The following ASH1L variants were observed in gnomAD, a reference collection of about 807,000 sequenced individuals.
The protein encoded by ASH1L is ASH1 like histone lysine methyltransferase.
ASH1L carries 23 observed loss-of-function variants against 269.0 expected under a neutral mutation model. The observed-to-expected ratio is 0.09, with a 90% CI of 0.06 to 0.12. ASH1L has a LOEUF of 0.12. Among genes scored for constraint, ASH1L ranks in the 10% least tolerant of loss-of-function variants. ASH1L has a pLI of 1.00. For synonymous variants in ASH1L, 1,187 were observed against 1,253.5 expected (o/e 0.95, Z 1.12); for missense variants, 2,912 against 3,567.8 (o/e 0.82, Z 4.68).
intron 1 of ASH1L, among the ~76,000 whole-genome samples, chr1:155,542,220 T>C (rs1458617871): frequency 6.6e-6 from 1 of 152,124 alleles, no homozygotes; most frequent in Non-Finnish European, 1.5e-5. Flanking sequence ...GGAAGAAAGT[T>C]CAAGTTGTAT....
At chr1:155,404,831 C>T (rs1183711454) in intron 6 of ASH1L, among the ~76,000 whole-genome samples, 2 of 151,640 alleles carry the variant, frequency 1.3e-5, no homozygotes, top group African/African-American at 4.8e-5. Flanking sequence ...AGATCGAGAC[C>T]GTCCTGGCCA....
At chr1:155,363,917 G>A (rs1307630904) in intron 12 of ASH1L, among the ~76,000 whole-genome samples, 2 of 151,924 alleles carry the variant, frequency 1.3e-5, no homozygotes, top group Non-Finnish European at 2.9e-5. Context: ...AAGTTGTGGT[G>A]AGCCAAAATG....
intron 1 of ASH1L, among the ~76,000 whole-genome samples, chr1:155,522,522 G>C (rs1668959317): frequency 6.6e-6 from 1 of 152,070 alleles, no homozygotes; most frequent in South Asian, 2.1e-4. Context: ...GTAGGCATGT[G>C]TCAATTCCCC....
chr1:155,439,992 A>G (rs748599935), intron 4 of ASH1L, among the ~76,000 whole-genome samples: 6 of 151,722 alleles, frequency 4.0e-5, no homozygotes, highest in Non-Finnish European at 5.9e-5. Flanking sequence ...TCTGGCCTAT[A>G]GACCCTTGTC....
intron 5 of ASH1L, among the ~76,000 whole-genome samples, chr1:155,427,546 C>CG (rs1558092660): frequency 1.3e-5 from 2 of 152,090 alleles, no homozygotes. Flanking sequence ...TCAGGTGATC[C>CG]GCCCACCTCG....
In ASH1L at chr1:155,407,125, G is replaced by A. The variant is rs542317754; in HGVS notation, c.6008+8619C>T. On this transcript the variant is annotated intron_variant, in intron 6 of 27. Transcript: ENST00000392403. The stretch of plus-strand genomic sequence containing the variant: ...GTGGTCCCAGCTACTCGGGAGGTTC[G>A]GGCAGGAGAATTGCTTGAACCCGGG... Among the ~76,000 whole-genome samples, 7 of 152,058 alleles carry A rather than the reference G, an allele frequency of 4.6e-5. 1 individual carries two copies. The highest frequency in any genetic ancestry group is 1.9e-4 in the East Asian group (1 of 5,166).
chr1:155,486,394 C>A (rs1666328675), intron 2 of ASH1L, among the ~76,000 whole-genome samples: 1 of 150,738 alleles, frequency 6.6e-6, no homozygotes, highest in African/African-American at 2.4e-5. Context: ...TAAAGAATCC[C>A]GGGGAGGTGG....
chr1:155,480,720 G>C lies in ASH1L; in HGVS notation c.2150C>G (p.Pro717Arg). The C allele has an allele frequency of 6.2e-7, 1 of 1,613,556 alleles. No individual in the cohort carries two copies. The highest frequency in any genetic ancestry group is 8.5e-7 in the Non-Finnish European group (1 of 1,179,932). ...TCTTGCCACCACTTTAGTCCACCGA[G>C]GTTTTCTTCCTTTTCTTTTTTTTAA... ...KPLKKRKGRK[P>R]RWTKVVARST... is the part of the protein sequence containing the mutation. Residue 717 changes from proline to arginine, a missense_variant, in exon 3 of 28, where the codon CCT becomes CGT. Transcript: ENST00000392403.
chr1:155,516,015 CTT>C (rs1460735661), intron 2 of ASH1L, among the ~76,000 whole-genome samples: 1 of 151,982 alleles, frequency 6.6e-6, no homozygotes, highest in Non-Finnish European at 1.5e-5. Flanking sequence ...ATCCTTTCCT[CTT>C]GTTTCTTACA....
At chr1:155,477,782 C>CA (rs969343075) in intron 3 of ASH1L, 104 bp downstream of exon 3, 3 of 1,124,852 alleles carry the variant, frequency 2.7e-6, no homozygotes, top group East Asian at 2.7e-5. Context: ...TATTAAAAAA[C>CA]AAAAAAAGAT....
chr1:155,376,300 A>G (rs1656436229), intron 10 of ASH1L, among the ~76,000 whole-genome samples: 1 of 152,234 alleles, frequency 6.6e-6, no homozygotes, highest in Non-Finnish European at 1.5e-5. Flanking sequence ...GGAAGAACTA[A>G]AACATTGATT....
intron 1 of ASH1L, among the ~76,000 whole-genome samples, chr1:155,532,625 C>A (rs1669745030): frequency 6.6e-6 from 1 of 151,820 alleles, no homozygotes; most frequent in African/African-American, 2.4e-5. Flanking sequence ...GAGTTCAAGA[C>A]CAGCCTGGCC....
chr1:155,539,457 A>T (rs971328719), intron 1 of ASH1L, among the ~76,000 whole-genome samples: 11 of 144,952 alleles, frequency 7.6e-5, no homozygotes, highest in East Asian at 2.1e-4. Flanking sequence ...ATATATATAT[A>T]TTTTGTTCTT....
intron 5 of ASH1L, among the ~76,000 whole-genome samples, chr1:155,421,036 A>G (rs972734370): frequency 6.6e-6 from 1 of 151,510 alleles, no homozygotes; most frequent in African/African-American, 2.4e-5. Flanking sequence ...CAGAGGTTGG[A>G]GACCAACCGA....
At position 155,474,634 on chromosome 1, in the gene ASH1L, G is replaced by C. The variant is rs1043156809; in HGVS notation, c.4984+3252C>G. ...GAAAATGGCTTGAGCCCAGGAAACA[G>C]GTTGCAGTGAGCCAAGATCGTGCCA... On this transcript the variant is annotated intron_variant, in intron 3 of 27. Transcript: ENST00000392403. 2.0e-5 allele frequency among the ~76,000 whole-genome samples: 3 copies of C among 152,160 alleles called. 1 individual carries two copies. The highest frequency in any genetic ancestry group is 6.3e-3 in the Middle Eastern group (2 of 316).
chr1:155,346,162 C>A, intron 21 of ASH1L: 1 of 1,444,896 alleles, frequency 6.9e-7, no homozygotes, highest in Non-Finnish European at 9.2e-7. Flanking sequence ...TAGTGCCATT[C>A]CTTCCACAGA....
intron 5 of ASH1L, among the ~76,000 whole-genome samples, chr1:155,431,033 G>A (rs1454939086): frequency 6.6e-6 from 1 of 151,926 alleles, no homozygotes; most frequent in Non-Finnish European, 1.5e-5. Context: ...CCTATATGGT[G>A]AAACCCTGTC....
chr1:155,338,009 A>G, intron 27 of ASH1L, 80 bp downstream of exon 27: 1 of 1,399,392 alleles, frequency 7.1e-7, no homozygotes, highest in Non-Finnish European at 9.8e-7. Context: ...TGGATGCTGA[A>G]CCAGTAATTA....
intron 2 of ASH1L, among the ~76,000 whole-genome samples, chr1:155,490,207 G>A (rs767561379): frequency 1.7e-3 from 251 of 151,882 alleles, no homozygotes; most frequent in Middle Eastern, 3.4e-3. Flanking sequence ...CTTGTGATCT[G>A]CCCACCTCGG....
Sources: gnomAD v4.1 joint callset for allele counts (sites outside exome capture counted in the v4.1 genomes callset) on GRCh38, gnomAD v4.1.1 for gene constraint, MANE v1.5 for transcripts, NCBI Gene and HGNC (gene_info 2026-07-23, HGNC 2026-07-21) for gene names.